TBCA: variants seen among roughly 807,000 people sequenced by gnomAD.
TBCA encodes the protein tubulin folding cofactor A, also known as tubulin-specific chaperone A.
Under a neutral mutation model 15.8 loss-of-function variants are expected in TBCA, and 6 were observed. The observed-to-expected ratio is 0.38, with a 90% CI of 0.21 to 0.75. TBCA has a LOEUF of 0.75. Ranked by LOEUF, TBCA falls within the 30% of genes least tolerant of loss-of-function variation. The pLI, the probability that TBCA is intolerant of heterozygous loss-of-function variation, is 0.46. For synonymous variants in TBCA, 32 were observed against 42.3 expected (o/e 0.76, Z 0.94); for missense variants, 90 against 131.2 (o/e 0.69, Z 1.53).
chr5:77,744,169 T>C (rs1030656708), intron 1 of TBCA, among the ~76,000 whole-genome samples: 8 of 152,122 alleles, frequency 5.3e-5, no homozygotes, highest in Non-Finnish European at 8.8e-5. Flanking sequence ...ACATGACCTC[T>C]ATTCAATCTC....
At chr5:77,706,825 A>AAAG (rs1554043607) in intron 2 of TBCA, among the ~76,000 whole-genome samples, 1 of 150,988 alleles carries the variant, frequency 6.6e-6, no homozygotes, top group African/African-American at 2.4e-5. Context: ...AAAAAAAAAA[A>AAAG]AAAGAAAGAA....
chr5:77,754,354 C>A (rs564178608), intron 1 of TBCA, among the ~76,000 whole-genome samples: 19 of 152,030 alleles, frequency 1.2e-4, no homozygotes, highest in Non-Finnish European at 2.6e-4. Flanking sequence ...TTGAATTAGA[C>A]AAATTATTTA....
intron 1 of TBCA, among the ~76,000 whole-genome samples, chr5:77,725,597 C>T (rs1746615467): frequency 1.3e-5 from 2 of 152,188 alleles, no homozygotes; most frequent in African/African-American, 4.8e-5. Flanking sequence ...ACAAAGAATT[C>T]ATTTTTCATA....
At chr5:77,715,960 C>T (rs1397777000) in intron 1 of TBCA, among the ~76,000 whole-genome samples, 1 of 152,058 alleles carries the variant, frequency 6.6e-6, no homozygotes, top group African/African-American at 2.4e-5. Flanking sequence ...AATAAACGAA[C>T]AGTATATTTA....
At chr5:77,744,124 A>G (rs1335567921) in intron 1 of TBCA, among the ~76,000 whole-genome samples, 1 of 152,042 alleles carries the variant, frequency 6.6e-6, no homozygotes, top group African/African-American at 2.4e-5. Flanking sequence ...ACTGATTCAC[A>G]CCTCCATGCC....
chr5:77,735,465 G>A (rs1173902540), intron 1 of TBCA, among the ~76,000 whole-genome samples: 1 of 151,846 alleles, frequency 6.6e-6, no homozygotes, highest in Non-Finnish European at 1.5e-5. Flanking sequence ...TTTCTTCCAA[G>A]TAATTAATAT....
intron 1 of TBCA, among the ~76,000 whole-genome samples, chr5:77,715,500 GTTTT>G (rs1415783232): frequency 6.6e-6 from 1 of 152,126 alleles, no homozygotes; most frequent in African/African-American, 2.4e-5. Flanking sequence ...AAGAAGTCAT[GTTTT>G]TTCTCTCAAT....
intron 1 of TBCA, among the ~76,000 whole-genome samples, chr5:77,767,568 G>T (rs1747809270): frequency 1.3e-5 from 2 of 152,088 alleles, no homozygotes; most frequent in Non-Finnish European, 2.9e-5. Context: ...TTTTTGCTGG[G>T]GCTTGGGGGT....
At chr5:77,700,367 A>G (rs367598716) in intron 2 of TBCA, among the ~76,000 whole-genome samples, 1 of 152,206 alleles carries the variant, frequency 6.6e-6, no homozygotes, top group African/African-American at 2.4e-5. Context: ...TTAAAAAAAA[A>G]ACAAAGCATC....
At chr5:77,756,102 A>T (rs1348889538) in intron 1 of TBCA, among the ~76,000 whole-genome samples, 1 of 152,084 alleles carries the variant, frequency 6.6e-6, no homozygotes, top group Non-Finnish European at 1.5e-5. Context: ...TGTTTGTCAC[A>T]TTTTTTTAAA....
intron 1 of TBCA, among the ~76,000 whole-genome samples, chr5:77,768,714 T>C (rs968979161): frequency 2.0e-5 from 3 of 152,180 alleles, no homozygotes; most frequent in African/African-American, 7.2e-5. Flanking sequence ...TGATCTTTAG[T>C]TAGACCTATG....
At chr5:77,735,928 T>C (rs1000450998) in intron 1 of TBCA, among the ~76,000 whole-genome samples, 2 of 152,110 alleles carry the variant, frequency 1.3e-5, no homozygotes, top group Non-Finnish European at 2.9e-5. Flanking sequence ...TTAAAAGAAA[T>C]CCCCTATGCA....
At chr5:77,749,390 T>G (rs1391047681) in intron 1 of TBCA, among the ~76,000 whole-genome samples, 4 of 152,256 alleles carry the variant, frequency 2.6e-5, no homozygotes, top group African/African-American at 9.6e-5. Context: ...GCATGTTCTG[T>G]GTTTATATGT....
intron 1 of TBCA, among the ~76,000 whole-genome samples, chr5:77,754,600 G>A (rs1747430372): frequency 1.3e-5 from 2 of 152,252 alleles, no homozygotes; most frequent in South Asian, 4.1e-4. Flanking sequence ...TATATCCTGT[G>A]AATTTTGGGT....
At chr5:77,763,706 G>T (rs1047185542) in intron 1 of TBCA, among the ~76,000 whole-genome samples, 6 of 152,120 alleles carry the variant, frequency 3.9e-5, no homozygotes, top group African/African-American at 1.4e-4. Flanking sequence ...GCCCTCACCA[G>T]AATGTGACCA....
chr5:77,693,693 GGAGGCT>G (rs1745807738), intron 2 of TBCA: 1 of 234,914 alleles, frequency 4.3e-6, no homozygotes, highest in African/African-American at 2.3e-5. Context: ...CAGCTACTCA[GGAGGCT>G]GAGGCAGGAG....
chr5:77,708,547 C>CATGCACTGATAGATA, intron 1 of TBCA, 200 bp from the exon 2 acceptor site: 1 of 362,554 alleles, frequency 2.8e-6, no homozygotes, highest in Non-Finnish European at 5.0e-6. Flanking sequence ...ACCTGCCTAA[C>CATGCACTGATAGATA]GTAAGTGCAA....
At chr5:77,692,756 T>C (rs1745782941) in intron 3 of TBCA, 1 of 997,342 alleles carries the variant, frequency 1.0e-6, no homozygotes, top group East Asian at 1.1e-4. Context: ...AAGGCATTTA[T>C]ACCAGCAAGT....
chr5:77,752,582 C>CACCAT lies in TBCA; in HGVS notation c.53+23622_53+23623insATGGT, dbSNP rs1230168607. The stretch of plus-strand genomic sequence containing the variant: ...TTTTTCTTTTTTTGAGACGGAGTCT[C>CACCAT]GCTCTGTCGCCCAGGCCGGACTGCG... On this transcript the variant is annotated intron_variant, in intron 1 of 3. Transcript: ENST00000380377. Among the ~76,000 whole-genome samples, 130 of 119,390 alleles carry CACCAT rather than the reference C, an allele frequency of 1.1e-3. 1 individual carries two copies. In the Middle Eastern group the frequency reaches 0.017, roughly 16 times the overall value. 78.3% of individuals were successfully genotyped at this position (119,390 alleles called of 152,430 possible). A position where few individuals can be genotyped will look rare whatever the true frequency, so the allele number is the denominator to read the frequency against.
Sources: allele counts gnomAD v4.1 joint callset (sites outside exome capture counted in the v4.1 genomes callset), GRCh38; gene constraint gnomAD v4.1.1; transcripts MANE v1.5; gene names NCBI Gene and HGNC (gene_info 2026-07-23, HGNC 2026-07-21).